Variants in SZRD1 observed in about 807,000 individuals in gnomAD.
The protein encoded by SZRD1 is SUZ RNA-binding domain-containing.
Under a neutral mutation model 17.6 loss-of-function variants are expected in SZRD1, and 7 were observed. That is an observed-to-expected ratio of 0.40 (90% CI 0.23 to 0.75). SZRD1 has a LOEUF of 0.75. SZRD1 is among the 30% of genes least tolerant of loss of function. The probability of loss-of-function intolerance (pLI) is 0.38; values close to 1 mark genes in which losing one functional copy is unlikely to be tolerated. For missense variants in SZRD1, 178 were observed against 201.8 expected (o/e 0.88, Z 0.71); for synonymous variants, 77 against 77.9 (o/e 0.99, Z 0.06).
chr1:16,372,317 A>G (rs574581253), intron 1 of SZRD1, among the ~76,000 whole-genome samples: 1 of 152,258 alleles, frequency 6.6e-6, no homozygotes, highest in Non-Finnish European at 1.5e-5. Context: ...TATTAAAAAT[A>G]CAAAAATGAG....
chr1:16,381,224 A>G lies in SZRD1; in HGVS notation c.52-10151A>G, dbSNP rs537731296. On this transcript the variant is annotated intron_variant, in intron 1 of 3. Coordinates refer to ENST00000401088, the MANE Select transcript of SZRD1 (RefSeq NM_001114600.3). ...AGCTGTGATTGTACCATTGCACTGT[A>G]GTTTGAACAACAGAGCAAGAACTTG... 3.3e-5 allele frequency among the ~76,000 whole-genome samples: 5 copies of G among 152,150 alleles called. No individual in the cohort carries two copies. In the South Asian group the frequency reaches 1.0e-3, roughly 32 times the overall value.
At chr1:16,383,563 A>C (rs1463479685) in intron 1 of SZRD1, among the ~76,000 whole-genome samples, 1 of 151,668 alleles carries the variant, frequency 6.6e-6, no homozygotes, top group African/African-American at 2.4e-5. Context: ...AGTACAAAGA[A>C]ACAGATGAAA....
In SZRD1 at chr1:16,367,281, G is replaced by A. The variant is rs757636810; in HGVS notation, c.24G>A (p.Glu8=). 81 of 1,548,864 alleles carry A rather than the reference G, an allele frequency of 5.2e-5. No homozygotes were observed. Among genetic ancestry groups the A allele is most frequent in the Non-Finnish European group, 1.1e-5 (13 of 1,146,642 alleles). The change falls in exon 1 of 4, where the codon GAG becomes GAA. Residue 8 remains glutamate, a synonymous_variant. Coordinates refer to ENST00000401088, the MANE Select transcript of SZRD1 (RefSeq NM_001114600.3). ...AGATGGAAGATGAGGAGGTCGCTGAGAGCTGGGAAGAGGCGGCAGACAGCG... is the reference window on the plus strand; with the variant it reads ...AGATGGAAGATGAGGAGGTCGCTGAAAGCTGGGAAGAGGCGGCAGACAGCG... MEDEEVA[E]SWEEAADSGE...
chr1:16,369,751 C>T (rs2082879545), intron 1 of SZRD1, among the ~76,000 whole-genome samples: 1 of 151,838 alleles, frequency 6.6e-6, no homozygotes, highest in South Asian at 2.1e-4. Context: ...TAGCTGGACC[C>T]TATGGTACAT....
intron 1 of SZRD1, among the ~76,000 whole-genome samples, chr1:16,379,028 C>T (rs1248702211): frequency 6.6e-6 from 1 of 150,858 alleles, no homozygotes; most frequent in Non-Finnish European, 1.5e-5. Flanking sequence ...TGCCCGACCT[C>T]CTTATATCCT....
chr1:16,367,996 TTCGCTTGTCGGAGTCCAGGG>T (rs1472503627), intron 1 of SZRD1: 5 of 151,998 alleles, frequency 3.3e-5, no homozygotes, highest in Non-Finnish European at 7.4e-5. Context: ...GGTCTAGGAG[TTCGCTTGTCGGAGTCCAGGG>T]TGTGATATGT....
Position 16,396,644 on chromosome 1 carries a change from C to A in SZRD1, c.*1504C>A, listed in dbSNP as rs16852669. The stretch of plus-strand genomic sequence containing the variant: ...AGACAGCCTCCCTGCTCCTGACCAG[C>A]AGATACGTTTCGGAGTGGTTGGTGT... On this transcript the variant is annotated 3_prime_UTR_variant, in exon 4 of 4. Transcript: ENST00000401088. 0.084 allele frequency: 12,790 copies of A among 152,758 alleles called. 706 individuals carry two copies. The highest frequency in any genetic ancestry group is 0.12 in the Non-Finnish European group (8,466 of 68,368). The allele number at this position is 152,758 out of a possible 1,614,324, so 9.5% of individuals were successfully genotyped here.
chr1:16,393,271 G>T lies in SZRD1; in HGVS notation c.145G>T (p.Asp49Tyr), dbSNP rs1340408925. ...TCCCAAAGTGCCCATTGTGATTCAGGACGATAGCCTTCCCGCGGGGCCCCC... is the reference window on the plus strand; with the variant it reads ...TCCCAAAGTGCCCATTGTGATTCAGTACGATAGCCTTCCCGCGGGGCCCCC... ...SPPKVPIVIQ[D>Y]DSLPAGPPPQ... Residue 49 changes from aspartate (D) to tyrosine (Y), a missense_variant, in exon 3 of 4, where the codon GAC (aspartate) becomes TAC (tyrosine). Physicochemically the swap from Asp to Tyr is radical, Grantham distance 160. This residue lies in a region of SZRD1 where 117 missense variants were observed against 108.7 expected (regional missense o/e 1.08). Coordinates refer to ENST00000401088, the MANE Select transcript of SZRD1 (RefSeq NM_001114600.3). The surrounding 1 kb of genome is among the most constrained non-coding windows in gnomAD (Gnocchi z 5.6). 8 of 1,614,078 alleles carry T rather than the reference G, an allele frequency of 5.0e-6. No homozygotes were observed. Among genetic ancestry groups the T allele is most frequent in the Non-Finnish European group, 6.8e-6 (8 of 1,180,044 alleles).
At chr1:16,382,342 T>C (rs1189214546) in intron 1 of SZRD1, among the ~76,000 whole-genome samples, 2 of 147,248 alleles carry the variant, frequency 1.4e-5, no homozygotes, top group African/African-American at 2.5e-5. Context: ...TGCACGCCAC[T>C]GTGCCCAGCT....
chr1:16,376,805 CAA>C (rs59746262), intron 1 of SZRD1, among the ~76,000 whole-genome samples: 4 of 75,602 alleles, frequency 5.3e-5, no homozygotes, highest in East Asian at 3.4e-4. Flanking sequence ...GACTCTGTCT[CAA>C]AAAAAAAAAA....
chr1:16,367,387 A>G (rs1392300805), intron 1 of SZRD1, 79 bp downstream of exon 1: 5 of 1,383,252 alleles, frequency 3.6e-6, no homozygotes, highest in Non-Finnish European at 5.0e-6. Flanking sequence ...GGGTCTGGAG[A>G]TAGTTCTCCC....
At chr1:16,389,022 A>C (rs1304138936) in intron 1 of SZRD1, among the ~76,000 whole-genome samples, 2 of 151,604 alleles carry the variant, frequency 1.3e-5, no homozygotes, top group Non-Finnish European at 2.9e-5. Context: ...GATTAGAACA[A>C]TATAGCTAAC....
chr1:16,375,303 T>G (rs1351797424), intron 1 of SZRD1, among the ~76,000 whole-genome samples: 1 of 149,264 alleles, frequency 6.7e-6, no homozygotes, highest in African/African-American at 2.4e-5. Context: ...ATAGTCTGTA[T>G]GGAGACAGAT....
rs1000393853 is a variant in SZRD1, at chr1:16,369,282, G to T, written c.51+1974G>T. ...TCATATATGTTTTGGTGAGATATTT[G>T]AAATACCTTTTGGAGAAAGGCACCT... On this transcript the variant is annotated intron_variant, in intron 1 of 3. Transcript: ENST00000401088. 12 of 656,552 alleles carry T rather than the reference G, an allele frequency of 1.8e-5. No homozygotes were observed. In the East Asian group the frequency reaches 3.1e-4, roughly 17 times the overall value. The allele number at this position is 656,552 out of a possible 1,614,324, so 40.7% of individuals were successfully genotyped here. A position where few individuals can be genotyped will look rare whatever the true frequency, so the allele number is the denominator to read the frequency against.
chr1:16,382,585 C>T (rs557991214), intron 1 of SZRD1, among the ~76,000 whole-genome samples: 2 of 152,044 alleles, frequency 1.3e-5, no homozygotes, highest in South Asian at 2.1e-4. Flanking sequence ...ACCTCCCCCT[C>T]CCGAGTTCAA....
At chr1:16,385,582 C>G (rs1229729047) in intron 1 of SZRD1, among the ~76,000 whole-genome samples, 1 of 152,066 alleles carries the variant, frequency 6.6e-6, no homozygotes, top group Non-Finnish European at 1.5e-5. Context: ...AGGAGTAAAC[C>G]TACCACTGTA....
rs56344045 is a variant in SZRD1, at chr1:16,393,711, C to G, written c.356+229C>G. On this transcript the variant is annotated intron_variant, in intron 3 of 3. Coordinates refer to ENST00000401088, the MANE Select transcript of SZRD1 (RefSeq NM_001114600.3). This position sits in a 1 kb window ranked among gnomAD's most constrained non-coding sequence, Gnocchi z 5.6. Reference sequence around the variant, plus strand: ...GGAGGTGGCAGTTTGCTGGCATGCTCCCTCTGCGGTTGGTAGTCACCGGGG... The same window carrying G: ...GGAGGTGGCAGTTTGCTGGCATGCTGCCTCTGCGGTTGGTAGTCACCGGGG... Among the ~76,000 whole-genome samples the G allele has an allele frequency of 0.14, 20,808 of 152,194 alleles. 1,688 individuals are homozygous for G. Among genetic ancestry groups the G allele is most frequent in the African/African-American group, 0.21 (8,865 of 41,508 alleles).
chr1:16,389,284 G>A (rs1373327973), intron 1 of SZRD1, among the ~76,000 whole-genome samples: 9 of 127,826 alleles, frequency 7.0e-5, no homozygotes, highest in Non-Finnish European at 8.4e-5. Flanking sequence ...GGTGGGGGGG[G>A]GGCAGAGTCT....
At chr1:16,384,122 C>T (rs983941427) in intron 1 of SZRD1, among the ~76,000 whole-genome samples, 10 of 152,104 alleles carry the variant, frequency 6.6e-5, no homozygotes, top group African/African-American at 2.4e-4. Flanking sequence ...GGTGGCCAGT[C>T]CTAGTCATAC....
Sources: gnomAD v4.1 joint callset for allele counts (sites outside exome capture counted in the v4.1 genomes callset) on GRCh38, gnomAD v4.1.1 for gene constraint, gnomAD v4.1.1 regional missense constraint, Gnocchi (gnomAD v3.1) non-coding constraint, MANE v1.5 for transcripts, NCBI Gene and HGNC (gene_info 2026-07-23, HGNC 2026-07-21) for gene names.